Variants in TSPEAR observed in about 807,000 individuals in gnomAD.
TSPEAR encodes the protein thrombospondin type laminin G domain and EAR repeats, also known as thrombospondin-type laminin G domain and EAR repeat-containing protein.
Under a neutral mutation model 71.6 loss-of-function variants are expected in TSPEAR, and 69 were observed. The observed-to-expected ratio is 0.96, with a 90% CI of 0.79 to 1.18. The LOEUF (loss-of-function observed/expected upper bound fraction) is 1.18. TSPEAR is among the 50% of genes most tolerant of loss of function. TSPEAR has a pLI of 0.00. For synonymous variants in TSPEAR, 402 were observed against 387.2 expected (o/e 1.04, Z -0.45); for missense variants, 971 against 894.9 (o/e 1.09, Z -1.09).
intron 1 of TSPEAR, chr21:44,574,653 C>G (rs781854096): frequency 6.2e-7 from 1 of 1,602,770 alleles, no homozygotes; most frequent in Non-Finnish European, 8.5e-7. Flanking sequence ...TCTGTGCTGC[C>G]AGCAGTCTAG....
Position 44,548,615 on chromosome 21 carries a change from T to C in TSPEAR, c.304-14692A>G, listed in dbSNP as rs2053343983. ...AAACAGGATTGAACAAATCCGAGAG[T>C]AGACTCCTAGAAATACAACTGCAGA... On this transcript the variant is annotated intron_variant, in intron 2 of 11. Coordinates refer to ENST00000323084, the MANE Select transcript of TSPEAR (RefSeq NM_144991.3). 2.0e-5 allele frequency among the ~76,000 whole-genome samples: 3 copies of C among 151,808 alleles called. No individual in the cohort carries two copies. In the South Asian group the frequency reaches 6.2e-4, roughly 32 times the overall value.
chr21:44,563,210 TATAA>T (rs1350033187), intron 2 of TSPEAR, among the ~76,000 whole-genome samples: 1 of 152,036 alleles, frequency 6.6e-6, no homozygotes, highest in Non-Finnish European at 1.5e-5. Context: ...TAACAAATGA[TATAA>T]ATATATACTT....
At chr21:44,627,762 C>T (rs587607751) in intron 1 of TSPEAR, 57 of 1,600,304 alleles carry the variant, frequency 3.6e-5, no homozygotes, top group East Asian at 2.9e-4. Flanking sequence ...AACCCATCTG[C>T]TGTGTGCCTG....
chr21:44,658,726 G>A (rs1985319081), intron 1 of TSPEAR, among the ~76,000 whole-genome samples: 1 of 152,100 alleles, frequency 6.6e-6, no homozygotes, highest in African/African-American at 2.4e-5. Context: ...TTGCACTGTG[G>A]GGTAATAAGA....
intron 10 of TSPEAR, chr21:44,508,393 G>A: frequency 1.3e-6 from 1 of 780,508 alleles, no homozygotes; most frequent in Non-Finnish European, 1.6e-6. Context: ...TGAAATAGGA[G>A]TGCATGAAAC....
intron 1 of TSPEAR, among the ~76,000 whole-genome samples, chr21:44,680,554 T>C (rs1293386406): frequency 6.6e-6 from 1 of 152,192 alleles, no homozygotes; most frequent in Non-Finnish European, 1.5e-5. Context: ...ATTCAAAGGA[T>C]AGGGAATTGG....
chr21:44,579,396 C>T (rs1978710225), intron 1 of TSPEAR: 1 of 360,510 alleles, frequency 2.8e-6, no homozygotes, highest in South Asian at 3.9e-5. Flanking sequence ...ACAGTCATGG[C>T]TAGAGACCAA....
intron 1 of TSPEAR, among the ~76,000 whole-genome samples, chr21:44,689,319 G>A (rs1315264331): frequency 3.9e-5 from 6 of 151,982 alleles, no homozygotes; most frequent in Admixed American, 6.6e-5. Flanking sequence ...TGGCTAACAC[G>A]GTGAAACCCC....
intron 9 of TSPEAR, among the ~76,000 whole-genome samples, chr21:44,512,872 A>G (rs2052432893): frequency 6.6e-6 from 1 of 152,158 alleles, no homozygotes; most frequent in African/African-American, 2.4e-5. Flanking sequence ...GCTACGAAGC[A>G]GAGCTCTTGC....
At position 44,524,860 on chromosome 21, in the gene TSPEAR, TAGCCAGTC is replaced by T. The variant is rs376546512; in HGVS notation, c.1336+785_1336+792del. On this transcript the variant is annotated intron_variant, in intron 8 of 11. Coordinates refer to ENST00000323084, the MANE Select transcript of TSPEAR (RefSeq NM_144991.3). Reference sequence around the variant, plus strand: ...GTCAGTGAGGTAGTCAGTCAGCCAATAGCCAGTCAGCCAGTCAGGTAGTTAGTCAGGTA... The same window carrying T: ...GTCAGTGAGGTAGTCAGTCAGCCAATAGCCAGTCAGGTAGTTAGTCAGGTA... Among the ~76,000 whole-genome samples the T allele has an allele frequency of 1.8e-3, 273 of 150,632 alleles. 1 individual carries two copies. The highest frequency in any genetic ancestry group is 0.014 in the Middle Eastern group (4 of 286).
chr21:44,576,207 G>T (rs888326333), intron 1 of TSPEAR, among the ~76,000 whole-genome samples: 3 of 152,252 alleles, frequency 2.0e-5, no homozygotes, highest in Non-Finnish European at 4.4e-5. Context: ...GTGGAGTTGT[G>T]AGGACAGACC....
chr21:44,512,565 C>T (rs1346441828), intron 9 of TSPEAR, among the ~76,000 whole-genome samples: 4 of 152,096 alleles, frequency 2.6e-5, no homozygotes, highest in Non-Finnish European at 4.4e-5. Flanking sequence ...GTGGAGGTGG[C>T]GGTGCTCTGG....
intron 2 of TSPEAR, chr21:44,558,487 G>T (rs367887303): frequency 6.2e-7 from 1 of 1,613,986 alleles, no homozygotes; most frequent in Non-Finnish European, 8.5e-7. Context: ...CAGCACGAGG[G>T]CGTGCAGGAG....
chr21:44,584,224 A>T (rs1979194659), intron 1 of TSPEAR, among the ~76,000 whole-genome samples: 1 of 152,026 alleles, frequency 6.6e-6, no homozygotes, highest in African/African-American at 2.4e-5. Flanking sequence ...CACCTAGCAT[A>T]GTGTGTGCAG....
intron 7 of TSPEAR, 79 bp from the exon 8 acceptor site, chr21:44,525,918 T>G (rs917654011): frequency 2.2e-6 from 3 of 1,384,630 alleles, no homozygotes; most frequent in Non-Finnish European, 3.1e-6. Flanking sequence ...CTTCTGAACA[T>G]CAGCATCTCT....
intron 2 of TSPEAR, among the ~76,000 whole-genome samples, chr21:44,562,180 A>G (rs2146059501): frequency 1.3e-5 from 2 of 152,258 alleles, no homozygotes; most frequent in South Asian, 4.2e-4. Flanking sequence ...CTTCCTACAC[A>G]CCAACAACAG....
At chr21:44,589,237 C>T (rs1003215630) in intron 1 of TSPEAR, among the ~76,000 whole-genome samples, 1 of 152,238 alleles carries the variant, frequency 6.6e-6, no homozygotes, top group Non-Finnish European at 1.5e-5. Context: ...TTTCAAGGCT[C>T]ATGCATGTTG....
intron 1 of TSPEAR, chr21:44,580,404 T>C (rs1978866860): frequency 1.9e-6 from 3 of 1,612,992 alleles, no homozygotes; most frequent in Non-Finnish European, 2.5e-6. Context: ...TGGCAGGGGC[T>C]GGGCTCACAG....
In TSPEAR at chr21:44,582,730, G is replaced by A. The variant is rs587775011; in HGVS notation, c.83-14725C>T. Among the ~76,000 whole-genome samples, 242 of 152,322 alleles carry A rather than the reference G, an allele frequency of 1.6e-3. 2 individuals are homozygous for A. The highest frequency in any genetic ancestry group is 2.6e-3 in the Non-Finnish European group (177 of 68,026). ...TGGAGACGTGTCTTTTTGGATCATG[G>A]AAATTTTCACTGGGGGCCACCATGG... On this transcript the variant is annotated intron_variant, in intron 1 of 11. Coordinates refer to ENST00000323084, the MANE Select transcript of TSPEAR (RefSeq NM_144991.3).
Sources: gnomAD v4.1 joint callset for allele counts (sites outside exome capture counted in the v4.1 genomes callset) on GRCh38, gnomAD v4.1.1 for gene constraint, MANE v1.5 for transcripts, NCBI Gene and HGNC (gene_info 2026-07-23, HGNC 2026-07-21) for gene names.